Variants in CDH13 observed in about 807,000 individuals in gnomAD.
The protein encoded by CDH13 is cadherin 13, also known as cadherin-13.
Under a neutral mutation model 63.8 loss-of-function variants are expected in CDH13, and 24 were observed. The observed-to-expected ratio is 0.38, with a 90% CI of 0.27 to 0.53. CDH13 has a LOEUF of 0.53. Among genes scored for constraint, CDH13 ranks in the 20% least tolerant of loss-of-function variants. The probability of loss-of-function intolerance (pLI) is 0.85; values close to 1 mark genes in which losing one functional copy is unlikely to be tolerated. For synonymous variants in CDH13, 503 were observed against 355.3 expected (o/e 1.42, Z -4.67); for missense variants, 1,049 against 903.1 (o/e 1.16, Z -2.07).
At chr16:82,961,040 G>C (rs1168876343) in intron 2 of CDH13, among the ~76,000 whole-genome samples, 1 of 152,224 alleles carries the variant, frequency 6.6e-6, no homozygotes, top group Admixed American at 6.5e-5. Flanking sequence ...GGCCAAAGCA[G>C]ATGCTCCGTT....
At chr16:82,923,712 C>G (rs921351060) in intron 2 of CDH13, among the ~76,000 whole-genome samples, 1 of 152,222 alleles carries the variant, frequency 6.6e-6, no homozygotes, top group African/African-American at 2.4e-5. Flanking sequence ...ACAGCTGATA[C>G]ATGCAGTGAA....
At chr16:83,594,850 T>C (rs1907108345) in intron 7 of CDH13, among the ~76,000 whole-genome samples, 1 of 152,214 alleles carries the variant, frequency 6.6e-6, no homozygotes, top group South Asian at 2.1e-4. Context: ...AGTGCCAGAT[T>C]TAATGACATG....
At chr16:83,759,303 G>A (rs541405701) in intron 11 of CDH13, among the ~76,000 whole-genome samples, 1 of 152,036 alleles carries the variant, frequency 6.6e-6, no homozygotes, top group South Asian at 2.1e-4. Flanking sequence ...GAGAAAGCAT[G>A]GTCTTTCAAT....
intron 7 of CDH13, among the ~76,000 whole-genome samples, chr16:83,505,530 C>A (rs1279836481): frequency 1.7e-5 from 2 of 117,602 alleles, no homozygotes; most frequent in East Asian, 5.4e-4. Context: ...TGTGATTAAT[C>A]CTTTTTTTTT....
chr16:82,729,785 T>C (rs2033301948), intron 1 of CDH13, among the ~76,000 whole-genome samples: 1 of 152,156 alleles, frequency 6.6e-6, no homozygotes, highest in Non-Finnish European at 1.5e-5. Context: ...TCTTCCAGTA[T>C]AAAGATGTTT....
In CDH13 at chr16:82,686,729, T is replaced by C. The variant is rs796430391; in HGVS notation, c.45+59592T>C. Among the ~76,000 whole-genome samples, 52 of 152,332 alleles carry C rather than the reference T, an allele frequency of 3.4e-4. 1 individual carries two copies. Among genetic ancestry groups the C allele is most frequent in the African/African-American group, 1.1e-3 (46 of 41,588 alleles). On this transcript the variant is annotated intron_variant, in intron 1 of 13. Coordinates refer to ENST00000567109, the MANE Select transcript of CDH13 (RefSeq NM_001257.5). ...TTCCGTTGACAACCCAGAATGTTGC[T>C]TGATGCACAGGGGAAATAGAGTGAT... is the stretch of plus-strand genomic sequence containing the variant.
chr16:82,943,816 T>G (rs1862680), intron 2 of CDH13, among the ~76,000 whole-genome samples: 45,426 of 152,172 alleles, frequency 0.3, 8,055 homozygotes, highest in African/African-American at 0.49. Flanking sequence ...GACAAAATGC[T>G]ATTAATAATG....
intron 8 of CDH13, among the ~76,000 whole-genome samples, chr16:83,610,902 T>A (rs928945672): frequency 8.5e-5 from 13 of 152,214 alleles, no homozygotes; most frequent in African/African-American, 3.1e-4. Context: ...CAGTTTACAG[T>A]GGAACACTCA....
intron 1 of CDH13, among the ~76,000 whole-genome samples, chr16:82,682,419 G>C (rs1033884835): frequency 2.6e-5 from 4 of 152,184 alleles, no homozygotes; most frequent in African/African-American, 7.2e-5. Flanking sequence ...CCACCTATTG[G>C]AGGCAGGCAC....
Position 83,269,129 on chromosome 16 carries a change from G to A in CDH13, c.636+51632G>A, listed in dbSNP as rs369228502. ...TAGAACCTCCTTTTCTATTACAAAA[G>A]CAGCTGCTTTTCTCTCCTAGTTTTT... is the stretch of plus-strand genomic sequence containing the variant. On this transcript the variant is annotated intron_variant, in intron 5 of 13. Coordinates refer to ENST00000567109, the MANE Select transcript of CDH13 (RefSeq NM_001257.5). 2.0e-5 allele frequency among the ~76,000 whole-genome samples: 3 copies of A among 152,258 alleles called. No homozygotes were observed. The East Asian group carries it at 5.8e-4, about 29-fold the overall frequency.
chr16:83,788,013 A>G (rs13336343), intron 13 of CDH13, among the ~76,000 whole-genome samples: 19,706 of 152,250 alleles, frequency 0.13, 2,127 homozygotes, highest in African/African-American at 0.3. Flanking sequence ...AGTACTTCCT[A>G]TGTGATTGCA....
intron 5 of CDH13, among the ~76,000 whole-genome samples, chr16:83,274,712 A>C (rs930091297): frequency 2.6e-5 from 4 of 151,638 alleles, no homozygotes; most frequent in African/African-American, 7.3e-5. Flanking sequence ...AATGGTTCTC[A>C]AACACCTGGT....
intron 8 of CDH13, among the ~76,000 whole-genome samples, chr16:83,650,064 C>A (rs1198307912): frequency 6.6e-6 from 1 of 152,144 alleles, no homozygotes; most frequent in Non-Finnish European, 1.5e-5. Flanking sequence ...CCAAGGGTGA[C>A]ACAGCTGCCT....
chr16:83,150,570 C>A (rs1318164070), intron 4 of CDH13, among the ~76,000 whole-genome samples: 1 of 152,228 alleles, frequency 6.6e-6, no homozygotes, highest in East Asian at 1.9e-4. Flanking sequence ...TGATCCAGGT[C>A]TCAGCTTAGA....
At position 83,096,709 on chromosome 16, in the gene CDH13, T is replaced by C. The variant is rs565328573; in HGVS notation, c.367-28676T>C. Among the ~76,000 whole-genome samples, 66 of 152,332 alleles carry C rather than the reference T, an allele frequency of 4.3e-4. No individual in the cohort carries two copies. The South Asian group carries it at 5.0e-3, about 11-fold the overall frequency. On this transcript the variant is annotated intron_variant, in intron 3 of 13. Transcript: ENST00000567109. The stretch of plus-strand genomic sequence containing the variant: ...GTGCAATTATATGTTGGGAGGGGAC[T>C]AACAAGGTAGCCCATGTAACAATAC...
intron 5 of CDH13, among the ~76,000 whole-genome samples, chr16:83,305,438 G>A (rs1362405540): frequency 6.6e-6 from 1 of 152,186 alleles, no homozygotes; most frequent in Non-Finnish European, 1.5e-5. Flanking sequence ...TACCCGTGTA[G>A]CCAGTATGTC....
In CDH13 at chr16:83,655,452, C is replaced by T. The variant is rs575243634; in HGVS notation, c.1102-15338C>T. Among the ~76,000 whole-genome samples, 115 of 152,236 alleles carry T rather than the reference C, an allele frequency of 7.6e-4. 3 individuals are homozygous for T. In the South Asian group the frequency reaches 0.022, roughly 29 times the overall value. ...CTGAGGTGGGGCACTGAGCAGAGGC[C>T]CGAATGGCAAGATGGTGCCAGTACA... On this transcript the variant is annotated intron_variant, in intron 8 of 13. Transcript: ENST00000567109.
At chr16:83,607,463 G>A (rs760634095) in intron 8 of CDH13, among the ~76,000 whole-genome samples, 4 of 152,030 alleles carry the variant, frequency 2.6e-5, no homozygotes, top group Non-Finnish European at 4.4e-5. Context: ...TAGTCCTCTC[G>A]TGTTCATTTA....
intron 3 of CDH13, among the ~76,000 whole-genome samples, chr16:83,063,237 C>T (rs1434352582): frequency 6.6e-6 from 1 of 152,192 alleles, no homozygotes; most frequent in Non-Finnish European, 1.5e-5. Context: ...GCTGGAATTA[C>T]AGGTGTGAGC....
Sources: gnomAD v4.1 joint callset for allele counts (sites outside exome capture counted in the v4.1 genomes callset) on GRCh38, gnomAD v4.1.1 for gene constraint, MANE v1.5 for transcripts, NCBI Gene and HGNC (gene_info 2026-07-23, HGNC 2026-07-21) for gene names.